The following CSMD1 variants were observed in gnomAD, a reference collection of about 807,000 sequenced individuals.
CSMD1 encodes CUB and Sushi multiple domains 1.
In CSMD1, 213 loss-of-function variants were observed where a neutral mutation model predicts 417.5. The observed-to-expected ratio is 0.51, with a 90% CI of 0.46 to 0.57. CSMD1 has a LOEUF of 0.57. Among genes scored for constraint, CSMD1 ranks in the 20% least tolerant of loss-of-function variants. The pLI is 0.00. For synonymous variants in CSMD1, 2,862 were observed against 1,736.8 expected, an observed-to-expected ratio of 1.65 and a Z score of -16.11; for missense variants, 6,923 against 4,529.7, an observed-to-expected ratio of 1.53 and a Z score of -15.17.
chr8:3,693,849 T>G (rs1800391618), intron 7 of CSMD1, among the ~76,000 whole-genome samples: 1 of 150,156 alleles, frequency 6.7e-6, no homozygotes, highest in African/African-American at 2.5e-5. Context: ...TGTGTTAGGG[T>G]ATATTATGTG....
At chr8:4,210,282 C>G (rs957157023) in intron 3 of CSMD1, among the ~76,000 whole-genome samples, 2 of 152,212 alleles carry the variant, frequency 1.3e-5, no homozygotes, top group African/African-American at 4.8e-5. Context: ...TTGATGCTTT[C>G]ATTTTCATCC....
chr8:3,019,713 T>G (rs955644769), intron 51 of CSMD1, among the ~76,000 whole-genome samples: 3 of 152,182 alleles, frequency 2.0e-5, no homozygotes, highest in Non-Finnish European at 4.4e-5. Context: ...TTTTCACTCA[T>G]GAAAGTACTC....
At chr8:3,844,599 C>A (rs1803362532) in intron 5 of CSMD1, among the ~76,000 whole-genome samples, 1 of 152,050 alleles carries the variant, frequency 6.6e-6, no homozygotes. Flanking sequence ...TTTGAAAAGG[C>A]AAGGGGGTGT....
chr8:4,035,149 G>T (rs899914857), intron 3 of CSMD1, among the ~76,000 whole-genome samples: 1 of 151,366 alleles, frequency 6.6e-6, no homozygotes, highest in Non-Finnish European at 1.5e-5. Context: ...TACAACATCG[G>T]TCCCAGGAGA....
intron 1 of CSMD1, among the ~76,000 whole-genome samples, chr8:4,985,111 A>G (rs1324873266): frequency 6.6e-6 from 1 of 152,220 alleles, no homozygotes; most frequent in Non-Finnish European, 1.5e-5. Flanking sequence ...TAATCTAGGA[A>G]CAGAAAATCA....
At chr8:3,346,759 A>C (rs1359128427) in intron 22 of CSMD1, among the ~76,000 whole-genome samples, 1 of 152,220 alleles carries the variant, frequency 6.6e-6, no homozygotes, top group Non-Finnish European at 1.5e-5. Context: ...CTTTCTGCAT[A>C]TTCTCTTAGA....
chr8:3,538,302 G>T (rs1055243705), intron 10 of CSMD1, among the ~76,000 whole-genome samples: 1 of 152,202 alleles, frequency 6.6e-6, no homozygotes, highest in Non-Finnish European at 1.5e-5. Flanking sequence ...CTTCACCTGA[G>T]ATGGTACACG....
chr8:3,029,414 C>G lies in CSMD1; in HGVS notation c.7760G>C (p.Ser2587Thr), dbSNP rs984104308. The change falls in exon 51 of 70, where the codon AGC (serine) becomes ACC (threonine). Residue 2587 changes from serine to threonine, a missense_variant. Ser to Thr is a moderately conservative substitution (Grantham distance 58). Coordinates refer to ENST00000635120, the MANE Select transcript of CSMD1 (RefSeq NM_033225.6). The stretch of plus-strand genomic sequence containing the variant: ...TTCTAAGTAGTAACCAGGACTGCAG[C>G]TCAGCAATACTTGAGCACCGTACTC... ...LNEYGAQVLL[S>T]CSPGYYLEGW... 1 of 1,611,982 alleles carries G rather than the reference C, an allele frequency of 6.2e-7. No individual in the cohort carries two copies. The highest frequency in any genetic ancestry group is 8.5e-7 in the Non-Finnish European group (1 of 1,179,398).
At chr8:3,076,208 C>T (rs35695895) in intron 49 of CSMD1, among the ~76,000 whole-genome samples, 18,604 of 152,116 alleles carry the variant, frequency 0.12, 1,499 homozygotes, top group Non-Finnish European at 0.18. Flanking sequence ...CAGGTGTCGG[C>T]GGGGCTGGTT....
chr8:4,927,403 G>T (rs901664057), intron 1 of CSMD1, among the ~76,000 whole-genome samples: 1 of 152,132 alleles, frequency 6.6e-6, no homozygotes, highest in African/African-American at 2.4e-5. Flanking sequence ...CTGCCAAACT[G>T]CCCCAGCAAC....
chr8:4,382,708 G>A (rs995810590), intron 3 of CSMD1, among the ~76,000 whole-genome samples: 5 of 151,448 alleles, frequency 3.3e-5, no homozygotes, highest in Non-Finnish European at 5.9e-5. Flanking sequence ...TGAATTTACT[G>A]GCTTCTTTGT....
rs551096939 is a variant in CSMD1 at position 3,378,120 on chromosome 8, G to C, written c.2783-8750C>G. On this transcript the variant is annotated intron_variant, in intron 18 of 69. Coordinates refer to ENST00000635120, the MANE Select transcript of CSMD1 (RefSeq NM_033225.6). ...ATGTGTTTGATTGTTGGTAAGAAGA[G>C]AGGAAGACATTCAATTAATAAGTTT... Among the ~76,000 whole-genome samples the C allele has an allele frequency of 1.4e-4, 21 of 152,320 alleles. No homozygotes were observed. In the South Asian group the frequency reaches 2.5e-3, roughly 18 times the overall value.
At chr8:3,311,134 C>T (rs1199482518) in intron 23 of CSMD1, among the ~76,000 whole-genome samples, 1 of 152,100 alleles carries the variant, frequency 6.6e-6, no homozygotes, top group African/African-American at 2.4e-5. Context: ...CCTAGCTTAC[C>T]ATAAATATGC....
rs771343357 is a variant in CSMD1, at chr8:4,716,678, T to C, written c.86-79120A>G. 3.3e-5 allele frequency among the ~76,000 whole-genome samples: 5 copies of C among 152,220 alleles called. No homozygotes were observed. In the South Asian group the frequency reaches 1.0e-3, roughly 31 times the overall value. Reference sequence around the variant, plus strand: ...TTAAGAAAAGTATTTAAATTCTAAATATATCTGATAATTAGAGGACTATTC... The same window carrying C: ...TTAAGAAAAGTATTTAAATTCTAAACATATCTGATAATTAGAGGACTATTC... On this transcript the variant is annotated intron_variant, in intron 1 of 69. Transcript: ENST00000635120.
chr8:4,207,555 A>C (rs1364659194), intron 3 of CSMD1, among the ~76,000 whole-genome samples: 1 of 152,162 alleles, frequency 6.6e-6, no homozygotes, highest in Admixed American at 6.5e-5. Context: ...AATAGAAAAT[A>C]ATGTTAAGAA....
chr8:3,938,046 T>C (rs528237758), intron 5 of CSMD1, among the ~76,000 whole-genome samples: 40 of 152,258 alleles, frequency 2.6e-4, no homozygotes, highest in African/African-American at 5.5e-4. Context: ...GCTTTCCTAA[T>C]TGACTTCCAA....
At chr8:3,536,114 T>G (rs1798187371) in intron 10 of CSMD1, among the ~76,000 whole-genome samples, 1 of 152,212 alleles carries the variant, frequency 6.6e-6, no homozygotes, top group Non-Finnish European at 1.5e-5. Flanking sequence ...TCATTGTTTT[T>G]ATGATACCAA....
At chr8:4,352,395 C>T (rs1028257712) in intron 3 of CSMD1, among the ~76,000 whole-genome samples, 2 of 152,114 alleles carry the variant, frequency 1.3e-5, no homozygotes, top group East Asian at 1.9e-4. Flanking sequence ...TGTAGATCCA[C>T]AGAAAATGAG....
chr8:3,646,753 C>T (rs376091474), intron 7 of CSMD1, among the ~76,000 whole-genome samples: 2 of 152,230 alleles, frequency 1.3e-5, no homozygotes, highest in African/African-American at 2.4e-5. Context: ...CTGGAAAGAA[C>T]GTTTTCATGG....
Sources: allele counts gnomAD v4.1 joint callset (sites outside exome capture counted in the v4.1 genomes callset), GRCh38; gene constraint gnomAD v4.1.1; transcripts MANE v1.5; gene names NCBI Gene and HGNC (gene_info 2026-07-23, HGNC 2026-07-21).